SLC4A10: variants seen among roughly 807,000 people sequenced by gnomAD.
SLC4A10 encodes the protein solute carrier family 4 member 10.
A neutral mutation model predicts 137.7 loss-of-function variants in SLC4A10; 42 were observed. The ratio of observed to expected loss-of-function variants is 0.30; its 90% CI spans 0.24 to 0.39. The LOEUF is 0.39. Ranked by LOEUF, SLC4A10 falls within the 10% of genes least tolerant of loss-of-function variation. The pLI is 1.00. For missense variants in SLC4A10, 925 were observed against 1,355.0 expected (o/e 0.68, Z 4.98); for synonymous variants, 474 against 464.1 (o/e 1.02, Z -0.27).
intron 1 of SLC4A10, among the ~76,000 whole-genome samples, chr2:161,728,391 AT>A (rs1424606226): frequency 6.6e-6 from 1 of 152,146 alleles, no homozygotes; most frequent in African/African-American, 2.4e-5. Context: ...CCTGACCAAC[AT>A]GGTGAAACCC....
At chr2:161,842,987 G>A (rs1303857004) in intron 4 of SLC4A10, among the ~76,000 whole-genome samples, 1 of 152,072 alleles carries the variant, frequency 6.6e-6, no homozygotes. Context: ...AGACAGCTCT[G>A]GTTAGTTAGA....
At chr2:161,901,451 A>G (rs1374585699) in intron 12 of SLC4A10, among the ~76,000 whole-genome samples, 2 of 152,150 alleles carry the variant, frequency 1.3e-5, no homozygotes, top group Admixed American at 1.3e-4. Flanking sequence ...TGAAAGAGCT[A>G]TATGATTTAT....
intron 14 of SLC4A10, 110 bp downstream of exon 14, chr2:161,905,019 G>C: frequency 9.1e-7 from 1 of 1,093,372 alleles, no homozygotes; most frequent in Non-Finnish European, 1.3e-6. Flanking sequence ...AGAATTGCCT[G>C]ATTTGTTTCA....
chr2:161,860,354 T>C (rs1241984014), intron 5 of SLC4A10, among the ~76,000 whole-genome samples: 2 of 152,208 alleles, frequency 1.3e-5, no homozygotes, highest in South Asian at 2.1e-4. Context: ...CATTGTGCTT[T>C]AATAGAAATT....
chr2:161,849,125 G>GT (rs973322610), intron 4 of SLC4A10, among the ~76,000 whole-genome samples: 24 of 152,106 alleles, frequency 1.6e-4, no homozygotes, highest in African/African-American at 5.8e-4. Flanking sequence ...TTACGTCCCT[G>GT]TTTAGTTGTA....
intron 1 of SLC4A10, among the ~76,000 whole-genome samples, chr2:161,740,830 G>A (rs2047805501): frequency 6.6e-6 from 1 of 152,132 alleles, no homozygotes; most frequent in Non-Finnish European, 1.5e-5. Flanking sequence ...TTCTGTATAT[G>A]TTTTAGGTGC....
At chr2:161,955,042 C>G (rs1695415090) in intron 19 of SLC4A10, among the ~76,000 whole-genome samples, 1 of 152,164 alleles carries the variant, frequency 6.6e-6, no homozygotes, top group Admixed American at 6.6e-5. Flanking sequence ...GCCACCAGCT[C>G]CTCTTCCATC....
intron 1 of SLC4A10, among the ~76,000 whole-genome samples, chr2:161,697,747 C>G (rs1430037427): frequency 6.6e-6 from 1 of 152,106 alleles, no homozygotes; most frequent in Admixed American, 6.6e-5. Context: ...CATGATGCCT[C>G]CAGCTTTGTT....
rs188158577 is a variant in SLC4A10, at chr2:161,929,246, T to G, written c.1998-13546T>G. Among the ~76,000 whole-genome samples, 172 of 152,306 alleles carry G rather than the reference T, an allele frequency of 1.1e-3. 1 individual carries two copies. Among genetic ancestry groups the G allele is most frequent in the Non-Finnish European group, 1.9e-3 (126 of 68,020 alleles). ...TTCTAGTGAATGATATTACACAGTT[T>G]GTTTTGTTTTGTTGATAGCACTACT... is the stretch of plus-strand genomic sequence containing the variant. On this transcript the variant is annotated intron_variant, in intron 15 of 26. Transcript: ENST00000446997.
intron 15 of SLC4A10, among the ~76,000 whole-genome samples, chr2:161,931,741 G>A (rs1287153309): frequency 6.6e-6 from 1 of 152,128 alleles, no homozygotes; most frequent in Admixed American, 6.6e-5. Context: ...AGATAACTTA[G>A]AAGAGCGACA....
At chr2:161,666,579 C>G (rs899753361) in intron 1 of SLC4A10, among the ~76,000 whole-genome samples, 2 of 151,668 alleles carry the variant, frequency 1.3e-5, no homozygotes, top group Non-Finnish European at 3.0e-5. Flanking sequence ...AAACTCAGCA[C>G]TTTCTACCTC....
rs147512011 is a variant in SLC4A10, at chr2:161,949,478, T to C, written c.2379+217T>C. Reference sequence around the variant, plus strand: ...AATAATTATAAATATAAAACTTGCTTGAAAAAAATTTCCTGTCAATTCTGC... The same window carrying C: ...AATAATTATAAATATAAAACTTGCTCGAAAAAAATTTCCTGTCAATTCTGC... On this transcript the variant is annotated intron_variant, in intron 18 of 26. Coordinates refer to ENST00000446997, the MANE Select transcript of SLC4A10 (RefSeq NM_001178015.2). Among the ~76,000 whole-genome samples, 200 of 152,034 alleles carry C rather than the reference T, an allele frequency of 1.3e-3. 1 individual carries two copies. The highest frequency in any genetic ancestry group is 4.6e-3 in the African/African-American group (190 of 41,526).
At chr2:161,749,547 A>G (rs1204482466) in intron 1 of SLC4A10, among the ~76,000 whole-genome samples, 1 of 151,854 alleles carries the variant, frequency 6.6e-6, no homozygotes, top group African/African-American at 2.4e-5. Context: ...TGCTAATGTG[A>G]TATATCACAT....
chr2:161,863,103 T>C (rs751690547), intron 6 of SLC4A10, 41 bp downstream of exon 6: 1 of 1,523,622 alleles, frequency 6.6e-7, no homozygotes, highest in Non-Finnish European at 8.9e-7. Flanking sequence ...CTACTATAGG[T>C]CTCTGACATA....
At chr2:161,941,403 A>G (rs1032346605) in intron 15 of SLC4A10, among the ~76,000 whole-genome samples, 5 of 152,200 alleles carry the variant, frequency 3.3e-5, no homozygotes, top group Non-Finnish European at 5.9e-5. Flanking sequence ...TTGGTTTAGC[A>G]TACATATTCA....
intron 6 of SLC4A10, among the ~76,000 whole-genome samples, 182 bp from the exon 7 acceptor site, chr2:161,872,111 C>G (rs903133167): frequency 1.3e-5 from 2 of 152,046 alleles, no homozygotes; most frequent in African/African-American, 4.8e-5. Context: ...CCCATTTCTA[C>G]CTGTTACTGA....
chr2:161,654,475 GC>G (rs1451126355), intron 1 of SLC4A10, among the ~76,000 whole-genome samples: 1 of 152,098 alleles, frequency 6.6e-6, no homozygotes, highest in Non-Finnish European at 1.5e-5. Flanking sequence ...GTGTCATGAA[GC>G]TTTTCCTCTA....
chr2:161,761,534 C>T (rs988646016), intron 1 of SLC4A10, among the ~76,000 whole-genome samples: 1 of 151,932 alleles, frequency 6.6e-6, no homozygotes, highest in Non-Finnish European at 1.5e-5. Context: ...CAGAAGGACC[C>T]TCAAGAACAA....
chr2:161,963,033 G>A (rs1696994094), intron 21 of SLC4A10, among the ~76,000 whole-genome samples: 1 of 152,064 alleles, frequency 6.6e-6, no homozygotes, highest in African/African-American at 2.4e-5. Context: ...GACAGTGATT[G>A]AAACCATTAT....
Sources: gnomAD v4.1 joint callset for allele counts (sites outside exome capture counted in the v4.1 genomes callset) on GRCh38, gnomAD v4.1.1 for gene constraint, MANE v1.5 for transcripts, NCBI Gene and HGNC (gene_info 2026-07-23, HGNC 2026-07-21) for gene names.